CLASP1: variants seen among roughly 807,000 people sequenced by gnomAD.
CLASP1 encodes the protein cytoplasmic linker associated protein 1.
CLASP1 carries 38 observed loss-of-function variants against 192.3 expected under a neutral mutation model. That is an observed-to-expected ratio of 0.20 (90% CI 0.15 to 0.26). The LOEUF (loss-of-function observed/expected upper bound fraction) is 0.26. Among genes scored for constraint, CLASP1 ranks in the 10% least tolerant of loss-of-function variants. The pLI, the probability that CLASP1 is intolerant of heterozygous loss-of-function variation, is 1.00. For missense variants in CLASP1, 1,433 were observed against 1,932.5 expected (o/e 0.74, Z 4.85); for synonymous variants, 691 against 712.8 (o/e 0.97, Z 0.49).
At chr2:121,642,223 G>T (rs1321070472) in intron 1 of CLASP1, among the ~76,000 whole-genome samples, 1 of 151,660 alleles carries the variant, frequency 6.6e-6, no homozygotes, top group Non-Finnish European at 1.5e-5. Flanking sequence ...TTTGAGACCA[G>T]CCTGGGCAAC....
intron 7 of CLASP1, among the ~76,000 whole-genome samples, chr2:121,512,163 T>G (rs1178511538): frequency 6.6e-6 from 1 of 152,254 alleles, no homozygotes; most frequent in Non-Finnish European, 1.5e-5. Context: ...TCTTCAGGTT[T>G]AAAGCCACTG....
intron 23 of CLASP1, among the ~76,000 whole-genome samples, chr2:121,412,939 A>G (rs1182293101): frequency 6.6e-6 from 1 of 152,150 alleles, no homozygotes; most frequent in Non-Finnish European, 1.5e-5. Context: ...TCTGGTCCCT[A>G]ATCTTCAGGG....
At chr2:121,614,919 C>T (rs1356553226) in intron 1 of CLASP1, among the ~76,000 whole-genome samples, 6 of 152,062 alleles carry the variant, frequency 3.9e-5, no homozygotes, top group East Asian at 1.9e-4. Flanking sequence ...AAATAAGGAA[C>T]GTGAATAAGC....
chr2:121,514,226 G>A (rs573112615), intron 7 of CLASP1, among the ~76,000 whole-genome samples: 13 of 152,334 alleles, frequency 8.5e-5, no homozygotes, highest in Admixed American at 2.6e-4. Flanking sequence ...GTGTAAAATG[G>A]TGGATTCATG....
chr2:121,513,538 GC>G (rs914449591), intron 7 of CLASP1, among the ~76,000 whole-genome samples: 1 of 152,102 alleles, frequency 6.6e-6, no homozygotes, highest in Admixed American at 6.6e-5. Flanking sequence ...TGGCATCCAG[GC>G]CTCTGAGGTC....
chr2:121,572,296 C>T lies in CLASP1; in HGVS notation c.195+33405G>A, dbSNP rs571275539. Among the ~76,000 whole-genome samples the T allele has an allele frequency of 1.5e-4, 23 of 152,150 alleles. 1 individual carries two copies. In the East Asian group the frequency reaches 3.7e-3, roughly 24 times the overall value. On this transcript the variant is annotated intron_variant, in intron 2 of 39. Coordinates refer to ENST00000263710, the Ensembl canonical transcript of CLASP1. ...ACAAAAAATTAGCAGGGCATGGTGG[C>T]GGGCACCTGTAGTCCCAGCTACTCA...
At chr2:121,532,335 C>A (rs2094916079) in intron 2 of CLASP1, 1 of 152,184 alleles carries the variant, frequency 6.6e-6, no homozygotes, top group African/African-American at 2.4e-5. Flanking sequence ...ACTCTACTTT[C>A]CAGCTAAAAG....
intron 2 of CLASP1, among the ~76,000 whole-genome samples, chr2:121,595,911 T>C (rs1429369837): frequency 1.3e-5 from 2 of 152,240 alleles, no homozygotes; most frequent in Non-Finnish European, 2.9e-5. Context: ...TACATGGGCT[T>C]ATATACATGG....
At chr2:121,380,896 T>G (rs2071481185) in intron 33 of CLASP1, among the ~76,000 whole-genome samples, 1 of 152,200 alleles carries the variant, frequency 6.6e-6, no homozygotes, top group Non-Finnish European at 1.5e-5. Context: ...AGGAATGGGA[T>G]GTGCTCTGGA....
intron 1 of CLASP1, among the ~76,000 whole-genome samples, chr2:121,622,021 T>C (rs1166774228): frequency 1.3e-5 from 2 of 151,966 alleles, no homozygotes; most frequent in Non-Finnish European, 2.9e-5. Flanking sequence ...CTAATTTTTG[T>C]ATTTTTAGTA....
intron 22 of CLASP1, among the ~76,000 whole-genome samples, chr2:121,421,408 C>A (rs550861561): frequency 6.6e-6 from 1 of 151,760 alleles, no homozygotes; most frequent in East Asian, 1.9e-4. Flanking sequence ...CCGCCATGCC[C>A]GGCTAATTTT....
intron 1 of CLASP1, among the ~76,000 whole-genome samples, chr2:121,612,790 A>C (rs1031467513): frequency 9.9e-5 from 15 of 152,236 alleles, no homozygotes; most frequent in Admixed American, 2.0e-4. Flanking sequence ...ATACAAACAT[A>C]AACAGGACTC....
intron 9 of CLASP1, among the ~76,000 whole-genome samples, chr2:121,466,127 G>A (rs1243569682): frequency 6.6e-6 from 1 of 152,180 alleles, no homozygotes; most frequent in East Asian, 1.9e-4. Context: ...AAAAAGATTA[G>A]AAAGATTGTT....
At chr2:121,430,996 C>A (rs2081299619) in intron 19 of CLASP1, among the ~76,000 whole-genome samples, 1 of 151,312 alleles carries the variant, frequency 6.6e-6, no homozygotes, top group African/African-American at 2.4e-5. Context: ...AAAAAATAGG[C>A]CTTTTTGGTT....
chr2:121,593,069 A>T (rs1027039944), intron 2 of CLASP1, among the ~76,000 whole-genome samples: 10 of 152,222 alleles, frequency 6.6e-5, no homozygotes, highest in African/African-American at 2.4e-4. Context: ...AATTAGAAAG[A>T]GGGGAAAAAA....
chr2:121,539,428 CAACTG>C (rs2095177398), intron 2 of CLASP1, among the ~76,000 whole-genome samples: 1 of 152,154 alleles, frequency 6.6e-6, no homozygotes, highest in African/African-American at 2.4e-5. Flanking sequence ...GCCCCTGGAT[CAACTG>C]AATATCTACA....
intron 2 of CLASP1, among the ~76,000 whole-genome samples, chr2:121,531,976 T>C (rs1481683586): frequency 1.3e-5 from 2 of 152,222 alleles, no homozygotes; most frequent in Non-Finnish European, 1.5e-5. Context: ...TGAGACTTCA[T>C]TAAACATGCT....
chr2:121,407,769 A>G, intron 24 of CLASP1, 54 bp from the exon 26 acceptor site: 1 of 1,607,172 alleles, frequency 6.2e-7, no homozygotes, highest in Non-Finnish European at 8.5e-7. Flanking sequence ...GAAAGGTGAA[A>G]TGACTGTGAG....
At chr2:121,533,159 T>G (rs1575751516) in intron 2 of CLASP1, among the ~76,000 whole-genome samples, 1 of 152,256 alleles carries the variant, frequency 6.6e-6, no homozygotes, top group Non-Finnish European at 1.5e-5. Context: ...ATGCGTTGCC[T>G]AGAGGAACTG....
Sources: allele counts gnomAD v4.1 joint callset (sites outside exome capture counted in the v4.1 genomes callset), GRCh38; gene constraint gnomAD v4.1.1; transcripts MANE v1.5; gene names NCBI Gene and HGNC (gene_info 2026-07-23, HGNC 2026-07-21).